GRIA4: variants seen among roughly 807,000 people sequenced by gnomAD.
GRIA4 encodes glutamate ionotropic receptor AMPA type subunit 4.
GRIA4 carries 34 observed loss-of-function variants against 104.0 expected under a neutral mutation model. That is an observed-to-expected ratio of 0.33 (90% CI 0.25 to 0.44). The LOEUF (loss-of-function observed/expected upper bound fraction) is 0.44. GRIA4 is among the 20% of genes least tolerant of loss of function. The pLI, the probability that GRIA4 is intolerant of heterozygous loss-of-function variation, is 1.00. For synonymous variants in GRIA4, 386 were observed against 381.9 expected (o/e 1.01, Z -0.13); for missense variants, 750 against 1,096.5 (o/e 0.68, Z 4.46).
chr11:105,880,063 G>T (rs1945991921), intron 5 of GRIA4, among the ~76,000 whole-genome samples: 1 of 152,044 alleles, frequency 6.6e-6, no homozygotes, highest in South Asian at 2.1e-4. Flanking sequence ...CATCTTATTA[G>T]AACTATATTT....
At chr11:105,924,084 C>A (rs1291206784) in intron 11 of GRIA4, among the ~76,000 whole-genome samples, 1 of 152,148 alleles carries the variant, frequency 6.6e-6, no homozygotes, top group Non-Finnish European at 1.5e-5. Context: ...GTCTCCTCTG[C>A]ACTGTCCCAG....
chr11:105,622,204 G>A (rs2135276201), intron 3 of GRIA4, among the ~76,000 whole-genome samples: 1 of 151,674 alleles, frequency 6.6e-6, no homozygotes, highest in South Asian at 2.1e-4. Context: ...TCAGGGTGTT[G>A]TGTTAGCATA....
chr11:105,980,535 C>CAGGAAGAAAAGCAAA lies in GRIA4; in HGVS notation c.*807_*821dup. 6.6e-6 allele frequency: 1 copy of CAGGAAGAAAAGCAAA among 152,608 alleles called. No individual in the cohort carries two copies. Among genetic ancestry groups the CAGGAAGAAAAGCAAA allele is most frequent in the South Asian group, 2.1e-4 (1 of 4,824 alleles). The allele number at this position is 152,608 out of a possible 1,614,324, so 9.5% of individuals were successfully genotyped here. On this transcript the variant is annotated 3_prime_UTR_variant, in exon 17 of 17. Transcript: ENST00000282499. ...TCACCGATTGCATTTGTCTCACAAC[C>CAGGAAGAAAAGCAAA]AGGAAGAAAAGCAAAAGGAAGAAAA...
chr11:105,710,276 A>G (rs1453412704), intron 3 of GRIA4, among the ~76,000 whole-genome samples: 1 of 152,056 alleles, frequency 6.6e-6, no homozygotes, highest in Non-Finnish European at 1.5e-5. Context: ...CTGTAGTAAA[A>G]AGAAACACCT....
At chr11:105,892,046 G>C (rs1946474111) in intron 6 of GRIA4, among the ~76,000 whole-genome samples, 1 of 152,014 alleles carries the variant, frequency 6.6e-6, no homozygotes, top group Non-Finnish European at 1.5e-5. Flanking sequence ...AGATCTCGCA[G>C]ATCTGAATTC....
chr11:105,678,649 T>A (rs554727300), intron 3 of GRIA4, among the ~76,000 whole-genome samples: 1 of 152,210 alleles, frequency 6.6e-6, no homozygotes, highest in Admixed American at 6.6e-5. Context: ...GTTTTCAAAA[T>A]TAATTTCTGA....
intron 3 of GRIA4, among the ~76,000 whole-genome samples, chr11:105,704,034 A>G (rs1476571339): frequency 1.3e-5 from 2 of 152,128 alleles, no homozygotes; most frequent in Non-Finnish European, 2.9e-5. Flanking sequence ...TTATTCCTCT[A>G]TGTCTATAAA....
intron 9 of GRIA4, among the ~76,000 whole-genome samples, chr11:105,906,287 G>T (rs118098961): frequency 1.3e-5 from 2 of 152,128 alleles, no homozygotes; most frequent in East Asian, 3.9e-4. Flanking sequence ...TCCAAAGCCT[G>T]TAAGTGAGAA....
intron 3 of GRIA4, among the ~76,000 whole-genome samples, chr11:105,687,825 C>T (rs1448463379): frequency 1.3e-5 from 2 of 152,138 alleles, no homozygotes; most frequent in African/African-American, 2.4e-5. Flanking sequence ...TATAACACAT[C>T]ATTTCATCTC....
At chr11:105,837,122 T>C (rs182689186) in intron 4 of GRIA4, among the ~76,000 whole-genome samples, 1 of 152,044 alleles carries the variant, frequency 6.6e-6, no homozygotes, top group African/African-American at 2.4e-5. Context: ...CAAACACTTA[T>C]AAAACCATCA....
In GRIA4 at chr11:105,762,046, C is replaced by A. The variant is rs572678965; in HGVS notation, c.487+8826C>A. The stretch of plus-strand genomic sequence containing the variant: ...TCTTAATTTTTTTTTTTTTTTGAGA[C>A]GGAGTCTCACTCTATTGCCCCAGCT... On this transcript the variant is annotated intron_variant, in intron 4 of 16. Coordinates refer to ENST00000282499, the MANE Select transcript of GRIA4 (RefSeq NM_000829.4). 7.6e-5 allele frequency among the ~76,000 whole-genome samples: 11 copies of A among 145,672 alleles called. No individual in the cohort carries two copies. The East Asian group carries it at 2.2e-3, about 29-fold the overall frequency.
chr11:105,942,610 C>T (rs555258571), intron 14 of GRIA4, among the ~76,000 whole-genome samples: 7 of 152,076 alleles, frequency 4.6e-5, no homozygotes, highest in South Asian at 2.1e-4. Flanking sequence ...TGACAATCTC[C>T]GGTGCTCTTA....
At chr11:105,814,770 A>C (rs750075170) in intron 4 of GRIA4, among the ~76,000 whole-genome samples, 3 of 152,232 alleles carry the variant, frequency 2.0e-5, no homozygotes, top group Non-Finnish European at 4.4e-5. Flanking sequence ...ATGAGCATCT[A>C]TTCTCTTACA....
At chr11:105,790,507 C>A (rs1942168719) in intron 4 of GRIA4, among the ~76,000 whole-genome samples, 1 of 152,108 alleles carries the variant, frequency 6.6e-6, no homozygotes, top group African/African-American at 2.4e-5. Context: ...CTCCTAGCTC[C>A]CTTGCCGGTT....
chr11:105,648,397 A>G (rs1268635745), intron 3 of GRIA4, among the ~76,000 whole-genome samples: 1 of 151,350 alleles, frequency 6.6e-6, no homozygotes, highest in African/African-American at 2.4e-5. Flanking sequence ...TAAATATTCT[A>G]TTTTTAAAAA....
intron 12 of GRIA4, among the ~76,000 whole-genome samples, chr11:105,925,029 T>C (rs1370725005): frequency 6.6e-6 from 1 of 152,176 alleles, no homozygotes. Flanking sequence ...ATTTCATTCA[T>C]TGGTTTGACA....
chr11:105,683,943 C>T (rs780981725), intron 3 of GRIA4, among the ~76,000 whole-genome samples: 6 of 152,044 alleles, frequency 3.9e-5, no homozygotes, highest in South Asian at 2.1e-4. Context: ...GGCGCCATCT[C>T]GGCTCACTGC....
chr11:105,926,020 A>G (rs1947693180), intron 12 of GRIA4, among the ~76,000 whole-genome samples: 1 of 152,028 alleles, frequency 6.6e-6, no homozygotes, highest in Non-Finnish European at 1.5e-5. Flanking sequence ...AAGAGTGAAA[A>G]GAGAGAAAAT....
At chr11:105,665,568 A>C (rs755533046) in intron 3 of GRIA4, among the ~76,000 whole-genome samples, 5 of 152,020 alleles carry the variant, frequency 3.3e-5, no homozygotes, top group Non-Finnish European at 5.9e-5. Flanking sequence ...TGAAAGTACA[A>C]GGAGCCCAGA....
Sources: allele counts gnomAD v4.1 joint callset (sites outside exome capture counted in the v4.1 genomes callset), GRCh38; gene constraint gnomAD v4.1.1; transcripts MANE v1.5; gene names NCBI Gene and HGNC (gene_info 2026-07-23, HGNC 2026-07-21).